TLE3: variants seen among roughly 807,000 people sequenced by gnomAD.
TLE3 encodes transducin-like enhancer protein 3.
Under a neutral mutation model 93.0 loss-of-function variants are expected in TLE3, and 14 were observed. The observed-to-expected ratio is 0.15, with a 90% CI of 0.10 to 0.24. The LOEUF (loss-of-function observed/expected upper bound fraction) is 0.24, where lower values mean the gene tolerates loss of function less well. Ranked by LOEUF, TLE3 falls within the 10% of genes least tolerant of loss-of-function variation. TLE3 has a pLI of 1.00. For synonymous variants in TLE3, 451 were observed against 425.0 expected (o/e 1.06, Z -0.75); for missense variants, 693 against 1,046.6 (o/e 0.66, Z 4.66).
chr15:70,083,489 T>G (rs2057887057), intron 4 of TLE3, among the ~76,000 whole-genome samples: 1 of 150,068 alleles, frequency 6.7e-6, no homozygotes, highest in South Asian at 2.1e-4. Context: ...CCCCCAACAC[T>G]GCCCATTCAT....
chr15:70,053,802 A>T, intron 16 of TLE3: 1 of 161,662 alleles, frequency 6.2e-6, no homozygotes, highest in Non-Finnish European at 1.3e-5. Flanking sequence ...CTTAACTCGC[A>T]CTCCACACGC....
At chr15:70,086,395 A>T (rs1567047221) in intron 4 of TLE3, among the ~76,000 whole-genome samples, 1 of 152,184 alleles carries the variant, frequency 6.6e-6, no homozygotes, top group Non-Finnish European at 1.5e-5. Flanking sequence ...AGCCCAAGGG[A>T]AAGATTTGGG....
In TLE3 at chr15:70,060,510, C is replaced by T. The variant is rs2056401279; in HGVS notation, c.714+20G>A. ...CTACCCAACAGAAACCCCAGTGGTG[C>T]CATGGCGCCTTGGACGTACGTATCG... On this transcript the variant is annotated intron_variant, in intron 9 of 19. Transcript: ENST00000451782. The T allele has an allele frequency of 6.2e-7, 1 of 1,613,090 alleles. No homozygotes were observed. The highest frequency in any genetic ancestry group is 8.5e-7 in the Non-Finnish European group (1 of 1,179,544).
chr15:70,076,180 A>G (rs368609470), intron 4 of TLE3, 22 bp from the exon 5 acceptor site: 13 of 1,612,812 alleles, frequency 8.1e-6, no homozygotes, highest in African/African-American at 2.7e-5. Context: ...AGGAGACCAC[A>G]TGAAGCTCAG....
chr15:70,081,887 G>A (rs1023377037), intron 4 of TLE3, among the ~76,000 whole-genome samples: 5 of 152,232 alleles, frequency 3.3e-5, no homozygotes, highest in Non-Finnish European at 5.9e-5. Context: ...CTGGGTCTCA[G>A]GTTACTCCTC....
rs376614318 is a variant in TLE3 at position 70,054,716 on chromosome 15, G to A, written c.1579-31C>T. 5 of 1,535,482 alleles carry A rather than the reference G, an allele frequency of 3.3e-6. No homozygotes were observed. The African/African-American group carries it at 6.8e-5, about 21-fold the overall frequency. On this transcript the variant is annotated intron_variant, in intron 15 of 19. Transcript: ENST00000451782. ...GGGAGAAGGGGCAGGGCTGAGTGCTGCCTACTTCCCCTCCTGGGCACCAGG... is the reference window on the plus strand; with the variant it reads ...GGGAGAAGGGGCAGGGCTGAGTGCTACCTACTTCCCCTCCTGGGCACCAGG...
intron 1 of TLE3, chr15:70,096,570 A>T: frequency 6.7e-7 from 1 of 1,495,888 alleles, no homozygotes; most frequent in Non-Finnish European, 9.0e-7. Flanking sequence ...TCCCCCTGGA[A>T]CACAAGCAGC....
intron 4 of TLE3, among the ~76,000 whole-genome samples, chr15:70,089,406 A>G (rs1251029963): frequency 1.3e-5 from 2 of 152,088 alleles, no homozygotes; most frequent in African/African-American, 4.8e-5. Flanking sequence ...TCCCCTAATA[A>G]CTGCTTTGGG....
chr15:70,096,274 A>G lies in TLE3; in HGVS notation c.25-13T>C. On this transcript the variant is annotated splice_polypyrimidine_tract_variant and intron_variant, in intron 1 of 19. Coordinates refer to ENST00000451782, the MANE Select transcript of TLE3 (RefSeq NM_001105192.3). ...GTTGATGGGGAGCCTGGAGCCCGCGAAGACAAGACAGGGGAGGGGGCGGGG... is the reference window on the plus strand; with the variant it reads ...GTTGATGGGGAGCCTGGAGCCCGCGGAGACAAGACAGGGGAGGGGGCGGGG... The G allele has an allele frequency of 1.3e-6, 2 of 1,551,122 alleles. No individual in the cohort carries two copies. Among genetic ancestry groups the G allele is most frequent in the Non-Finnish European group, 1.7e-6 (2 of 1,147,268 alleles).
intron 4 of TLE3, among the ~76,000 whole-genome samples, chr15:70,090,934 A>C (rs887893756): frequency 2.0e-5 from 3 of 152,228 alleles, no homozygotes; most frequent in African/African-American, 7.2e-5. Context: ...AATAACACAG[A>C]AAGAAGCAAT....
rs1342134458 is a variant in TLE3, at chr15:70,058,764, G to A, written c.817C>T (p.Leu273=). 3.4e-5 allele frequency: 55 copies of A among 1,609,676 alleles called. No individual in the cohort carries two copies. Among genetic ancestry groups the A allele is most frequent in the Non-Finnish European group, 4.6e-5 (54 of 1,178,194 alleles). Residue 273 remains leucine, a synonymous_variant, in exon 11 of 20, where the codon CTG becomes TTG. Coordinates refer to ENST00000451782, the MANE Select transcript of TLE3 (RefSeq NM_001105192.3). The surrounding 1 kb of genome is among the most constrained non-coding windows in gnomAD (Gnocchi z 4.1). ...SPAHSPPENG[L]DKARSLKKDA... ...TTTTTCAGGCTACGGGCCTTGTCCAGCCCATTTTCAGGAGGGGAGTGTGCC... is the reference window on the plus strand; with the variant it reads ...TTTTTCAGGCTACGGGCCTTGTCCAACCCATTTTCAGGAGGGGAGTGTGCC...
At chr15:70,095,982 G>T in intron 2 of TLE3, 179 bp downstream of exon 2, 1 of 787,914 alleles carries the variant, frequency 1.3e-6, no homozygotes, top group Non-Finnish European at 2.0e-6. Flanking sequence ...GAGCCGGGCT[G>T]CTGCGGGCAG....
chr15:70,053,076 C>T (rs2055692071), intron 17 of TLE3, 151 bp downstream of exon 17: 1 of 975,840 alleles, frequency 1.0e-6, no homozygotes, highest in Admixed American at 3.0e-5. Context: ...CTGCTTCCTC[C>T]AGGAAGCCTT....
In TLE3 at chr15:70,058,346, A is replaced by G; in HGVS notation, c.919-55T>C. On this transcript the variant is annotated intron_variant, in intron 11 of 19. Coordinates refer to ENST00000451782, the MANE Select transcript of TLE3 (RefSeq NM_001105192.3). The surrounding 1 kb of genome is among the most constrained non-coding windows in gnomAD (Gnocchi z 4.1). ...GCCATGAGGCTTCCATTCTCCTAGG[A>G]GCCGGGCACAACTGGTGCCGGTCCC... 1 of 1,544,358 alleles carries G rather than the reference A, an allele frequency of 6.5e-7. No homozygotes were observed. The highest frequency in any genetic ancestry group is 1.9e-5 in the Admixed American group (1 of 51,684).
rs1380437376 is a variant in TLE3 at position 70,048,240 on chromosome 15, G to A, written c.*1857C>T. The A allele has an allele frequency of 6.6e-6, 1 of 152,164 alleles. No individual in the cohort carries two copies. Among genetic ancestry groups the A allele is most frequent in the African/African-American group, 2.4e-5 (1 of 41,436 alleles). 9.4% of individuals were successfully genotyped at this position (152,164 alleles called of 1,614,324 possible). A position where few individuals can be genotyped will look rare whatever the true frequency, so the allele number is the denominator to read the frequency against. On this transcript the variant is annotated 3_prime_UTR_variant, in exon 20 of 20. Coordinates refer to ENST00000451782, the MANE Select transcript of TLE3 (RefSeq NM_001105192.3). ...AGTAACTTTTAAAAATATAAAAACA[G>A]TTCAGTACAATGACTTTTCATTCTT...
rs1010844540 is a variant in TLE3, at chr15:70,076,855, T to C, written c.235-697A>G. ...CCTGCCTCAGCCTCCCAAATATCTG[T>C]GACTATAGGTGCACTGCCACTCCCA... On this transcript the variant is annotated intron_variant, in intron 4 of 19. Transcript: ENST00000451782. 2.0e-5 allele frequency among the ~76,000 whole-genome samples: 3 copies of C among 152,152 alleles called. No homozygotes were observed. In the East Asian group the frequency reaches 5.8e-4, roughly 29 times the overall value.
chr15:70,055,361 C>T (rs1242466939), intron 14 of TLE3, 63 bp from the exon 15 acceptor site: 7 of 1,524,876 alleles, frequency 4.6e-6, no homozygotes, highest in Non-Finnish European at 5.3e-6. Context: ...TCCCATAGGC[C>T]TGGCCCAGGT....
intron 13 of TLE3, 86 bp from the exon 14 acceptor site, chr15:70,056,460 T>C: frequency 8.0e-7 from 1 of 1,256,686 alleles, no homozygotes; most frequent in South Asian, 1.3e-5. Flanking sequence ...CCCGGGGTCC[T>C]ACCTGCACGG....
intron 9 of TLE3, among the ~76,000 whole-genome samples, chr15:70,060,288 AGG>A (rs2056381345): frequency 6.6e-6 from 1 of 152,076 alleles, no homozygotes; most frequent in African/African-American, 2.4e-5. Context: ...GACCCCATGG[AGG>A]CTAGGACGAC....
Sources: allele counts gnomAD v4.1 joint callset (sites outside exome capture counted in the v4.1 genomes callset), GRCh38; gene constraint gnomAD v4.1.1; non-coding constraint Gnocchi (gnomAD v3.1); transcripts MANE v1.5; gene names NCBI Gene and HGNC (gene_info 2026-07-23, HGNC 2026-07-21).